ATP2B3: variants seen among roughly 807,000 people sequenced by gnomAD.
ATP2B3 encodes the protein plasma membrane calcium-transporting ATPase 3.
In ATP2B3, 12 loss-of-function variants were observed where a neutral mutation model predicts 70.8. The ratio of observed to expected loss-of-function variants is 0.17; its 90% CI spans 0.11 to 0.27. The LOEUF (loss-of-function observed/expected upper bound fraction) is 0.27. Ranked by LOEUF, ATP2B3 falls within the 10% of genes least tolerant of loss-of-function variation. The pLI is 1.00. For synonymous variants in ATP2B3, 460 were observed against 497.8 expected (o/e 0.92, Z 1.01); for missense variants, 858 against 1,118.5 (o/e 0.77, Z 3.32).
intron 15 of ATP2B3, 129 bp downstream of exon 15, chrX:153,556,547 A>G (rs1440858197): frequency 1.4e-6 from 1 of 702,508 alleles, no homozygotes; most frequent in African/African-American, 2.2e-5. Flanking sequence ...TTGTCCCATT[A>G]GCCCAGAGCA....
At chrX:153,542,532 G>A in intron 6 of ATP2B3, 84 bp downstream of exon 6, 5 of 1,119,174 alleles carry the variant, frequency 4.5e-6, no homozygotes, top group Non-Finnish European at 6.0e-6. Flanking sequence ...CTGCCTGCTG[G>A]GCTCAGCCTC....
chrX:153,554,364 G>A lies in ATP2B3; in HGVS notation c.2058+1095G>A, dbSNP rs782814247. Reference sequence around the variant, plus strand: ...GCCACACTTGGGGACAGGAGCCATCGAGTCCCTCTGTTGGACCAGGGAGCA... The same window carrying A: ...GCCACACTTGGGGACAGGAGCCATCAAGTCCCTCTGTTGGACCAGGGAGCA... On this transcript the variant is annotated intron_variant, in intron 13 of 21. Transcript: ENST00000263519. Among the ~76,000 whole-genome samples the A allele has an allele frequency of 2.5e-3, 286 of 113,335 alleles. 1 individual carries two copies. Among genetic ancestry groups the A allele is most frequent in the Non-Finnish European group, 4.4e-3 (236 of 53,353 alleles).
At chrX:153,565,733 TC>T (rs1190934651) in intron 21 of ATP2B3, among the ~76,000 whole-genome samples, 1 of 112,165 alleles carries the variant, frequency 8.9e-6, no homozygotes, top group Non-Finnish European at 1.9e-5. Context: ...TCCCATCTCC[TC>T]CCGGCCAACA....
intron 20 of ATP2B3, among the ~76,000 whole-genome samples, chrX:153,564,400 C>T (rs2090671421): frequency 8.9e-6 from 1 of 112,897 alleles, no homozygotes; most frequent in Non-Finnish European, 1.9e-5. Context: ...CTCTGGAGGT[C>T]CAGCTGTTAG....
chrX:153,579,698 T>C (rs1348589543), intron 21 of ATP2B3, among the ~76,000 whole-genome samples: 1 of 111,473 alleles, frequency 9.0e-6, no homozygotes, highest in Non-Finnish European at 1.9e-5. Flanking sequence ...CATCTTTTCC[T>C]GCATGCGGAT....
rs1603118643 is a variant in ATP2B3, at chrX:153,568,337, C to T, written c.3342+3234C>T. 5.4e-5 allele frequency among the ~76,000 whole-genome samples: 6 copies of T among 111,371 alleles called. 2 individuals are homozygous for T. In the Admixed American group the frequency reaches 5.7e-4, roughly 11 times the overall value. ...TGGGCTTCCAGGTGTGGGGTGGTGG[C>T]GACTGTGGTATTGTCACTGATGTGG... On this transcript the variant is annotated intron_variant, in intron 21 of 21. Coordinates refer to ENST00000263519, the MANE Select transcript of ATP2B3 (RefSeq NM_001001344.3).
intron 2 of ATP2B3, among the ~76,000 whole-genome samples, chrX:153,535,031 G>A (rs2090169983): frequency 8.9e-6 from 1 of 112,870 alleles, no homozygotes; most frequent in Non-Finnish European, 1.9e-5. Context: ...CTGATGTCAA[G>A]GCCAGGCCAT....
At chrX:153,557,905 T>G (rs12394330) in intron 16 of ATP2B3, among the ~76,000 whole-genome samples, 2 of 103,374 alleles carry the variant, frequency 1.9e-5, no homozygotes, top group Admixed American at 1.1e-4. Flanking sequence ...CCGTGACATG[T>G]GACAACTTAC....
At chrX:153,566,882 T>C (rs1277696552) in intron 21 of ATP2B3, among the ~76,000 whole-genome samples, 1 of 111,694 alleles carries the variant, frequency 9.0e-6, no homozygotes, top group Non-Finnish European at 1.9e-5. Context: ...TTGCAAAACT[T>C]TCCAGAGCTA....
chrX:153,544,316 C>T (rs1557007926), intron 7 of ATP2B3, among the ~76,000 whole-genome samples: 2 of 112,666 alleles, frequency 1.8e-5, no homozygotes, highest in African/African-American at 6.5e-5. Context: ...CCATCGTCCA[C>T]GGGAACCCAC....
chrX:153,568,627 G>A (rs1603119067), intron 21 of ATP2B3, among the ~76,000 whole-genome samples: 2 of 112,275 alleles, frequency 1.8e-5, no homozygotes, highest in South Asian at 7.4e-4. Context: ...AGTGGGATGT[G>A]CTGGGCGGAA....
intron 21 of ATP2B3, among the ~76,000 whole-genome samples, chrX:153,568,282 G>C (rs1229865441): frequency 8.9e-6 from 1 of 111,781 alleles, no homozygotes; most frequent in Non-Finnish European, 1.9e-5. Context: ...AGCTTCGTCA[G>C]CAACTGGGCC....
chrX:153,567,815 T>C (rs1003342557), intron 21 of ATP2B3, among the ~76,000 whole-genome samples: 1 of 112,439 alleles, frequency 8.9e-6, no homozygotes, highest in African/African-American at 3.2e-5. Flanking sequence ...CTGACCCCCA[T>C]GGCTTTTCGC....
intron 2 of ATP2B3, among the ~76,000 whole-genome samples, chrX:153,522,847 T>C (rs1422174681): frequency 9.1e-6 from 1 of 110,083 alleles, no homozygotes; most frequent in Non-Finnish European, 1.9e-5. Flanking sequence ...CCCCACCATA[T>C]GCCCAGCGCA....
chrX:153,534,297 G>C (rs1178654189), intron 2 of ATP2B3, among the ~76,000 whole-genome samples: 2 of 112,171 alleles, frequency 1.8e-5, no homozygotes, highest in Non-Finnish European at 3.8e-5. Context: ...GCTGTCCTCT[G>C]GCTCTGCCAC....
At chrX:153,542,133 G>C (rs1272993552) in intron 5 of ATP2B3, among the ~76,000 whole-genome samples, 190 bp from the exon 6 acceptor site, 1 of 88,790 alleles carries the variant, frequency 1.1e-5, no homozygotes, top group Non-Finnish European at 2.1e-5. Context: ...GGCCCCCGAA[G>C]AATCAACTGT....
intron 13 of ATP2B3, among the ~76,000 whole-genome samples, chrX:153,554,521 G>A (rs1262663116): frequency 8.9e-6 from 1 of 112,914 alleles, no homozygotes; most frequent in African/African-American, 3.2e-5. Flanking sequence ...GGCTGCGGAG[G>A]CTGGGCAGAC....
rs2090912385 is a variant in ATP2B3 at position 153,580,649 on chromosome X, C to T, written c.*351C>T. On this transcript the variant is annotated 3_prime_UTR_variant, in exon 22 of 22. Transcript: ENST00000263519. ...TTCCCCACCTTTTTTTCTATTGATG[C>T]TTCTTTTTTAACAAACTACAGTTTT... 4.9e-6 allele frequency: 1 copy of T among 204,600 alleles called. No individual in the cohort carries two copies. Among genetic ancestry groups the T allele is most frequent in the Non-Finnish European group, 9.0e-6 (1 of 111,488 alleles). The allele number at this position is 204,600 out of a possible 1,213,427, so 16.9% of individuals were successfully genotyped here. A position where few individuals can be genotyped will look rare whatever the true frequency, so the allele number is the denominator to read the frequency against.
chrX:153,523,000 C>T (rs1454869393), intron 2 of ATP2B3, among the ~76,000 whole-genome samples: 3 of 111,319 alleles, frequency 2.7e-5, no homozygotes, highest in Non-Finnish European at 5.7e-5. Context: ...GTAGTAAAGC[C>T]ATCCTATCAT....
Sources: gnomAD v4.1 joint callset for allele counts (sites outside exome capture counted in the v4.1 genomes callset) on GRCh38, gnomAD v4.1.1 for gene constraint, MANE v1.5 for transcripts, NCBI Gene and HGNC (gene_info 2026-07-23, HGNC 2026-07-21) for gene names.